TELO2: variants seen among roughly 807,000 people sequenced by gnomAD.
TELO2 encodes the protein telomere maintenance 2, also known as telomere length regulation protein TEL2 homolog.
A neutral mutation model predicts 91.0 loss-of-function variants in TELO2; 71 were observed. That is an observed-to-expected ratio of 0.78 (90% CI 0.64 to 0.95). The LOEUF (loss-of-function observed/expected upper bound fraction) is 0.95. Ranked by LOEUF, TELO2 falls within the 40% of genes least tolerant of loss-of-function variation. The pLI is 0.00. For synonymous variants in TELO2, 584 were observed against 518.9 expected (o/e 1.13, Z -1.71); for missense variants, 1,183 against 1,141.3 (o/e 1.04, Z -0.53).
intron 20 of TELO2, among the ~76,000 whole-genome samples, chr16:1,508,225 T>C (rs2141074133): frequency 6.6e-6 from 1 of 152,266 alleles, no homozygotes; most frequent in South Asian, 2.1e-4. Flanking sequence ...CTCCGCCTCC[T>C]GGGTTCAAGC....
rs568520420 is a variant in TELO2 at position 1,495,726 on chromosome 16, T to C, written c.613+103T>C. On this transcript the variant is annotated intron_variant, in intron 3 of 20. Coordinates refer to ENST00000262319, the MANE Select transcript of TELO2 (RefSeq NM_016111.4). ...CGGCCTCTGGAGACTTTGGAGTCTC[T>C]GGTTGATGCCGTCAGGCAGGTGGGG... 6 of 1,443,032 alleles carry C rather than the reference T, an allele frequency of 4.2e-6. No homozygotes were observed. In the East Asian group the frequency reaches 9.2e-5, roughly 22 times the overall value. 89.4% of individuals were successfully genotyped at this position (1,443,032 alleles called of 1,614,324 possible).
chr16:1,502,417 C>CG lies in TELO2; in HGVS notation c.1653+16dup, dbSNP rs1235869556. 1.5e-6 allele frequency: 2 copies of CG among 1,330,838 alleles called. No homozygotes were observed. 82.4% of individuals were successfully genotyped at this position (1,330,838 alleles called of 1,614,324 possible). On this transcript the variant is annotated intron_variant, in intron 13 of 20. Transcript: ENST00000262319. ...AGCCACTCGGGAGGTGAGTGGGGGG[C>CG]GGGAGTGGGTGGGGAGGCCCAAGAT...
chr16:1,502,383 G>A lies in TELO2; in HGVS notation c.1632G>A (p.Arg544=), dbSNP rs2141047775. 6.2e-7 allele frequency: 1 copy of A among 1,602,252 alleles called. No homozygotes were observed. The highest frequency in any genetic ancestry group is 8.5e-7 in the Non-Finnish European group (1 of 1,176,352). Residue 544 remains arginine, a synonymous_variant, in exon 13 of 21, where the codon AGG becomes AGA. Transcript: ENST00000262319. ...ALRALEGLVY[R]SPTATREVSV... is the part of the protein sequence containing the mutation. ...GGGCCCTTGAGGGCCTGGTCTACAGGAGCCCCACAGCCACTCGGGAGGTGA... is the reference window on the plus strand; with the variant it reads ...GGGCCCTTGAGGGCCTGGTCTACAGAAGCCCCACAGCCACTCGGGAGGTGA...
At chr16:1,499,017 C>T (rs926643540) in intron 5 of TELO2, among the ~76,000 whole-genome samples, 3 of 152,128 alleles carry the variant, frequency 2.0e-5, no homozygotes, top group African/African-American at 7.2e-5. Flanking sequence ...GCCCGGGCTG[C>T]GGTGCACGCG....
chr16:1,506,183 C>G, intron 16 of TELO2, 55 bp from the exon 17 acceptor site: 1 of 1,586,638 alleles, frequency 6.3e-7, no homozygotes, highest in Admixed American at 1.7e-5. Context: ...GCTAGGGGTG[C>G]CGTGCCCGCT....
Position 1,502,409 on chromosome 16 carries a change from G to T in TELO2, c.1653+5G>T, listed in dbSNP as rs757210721. 1 of 1,589,186 alleles carries T rather than the reference G, an allele frequency of 6.3e-7. No individual in the cohort carries two copies. The highest frequency in any genetic ancestry group is 1.1e-5 in the South Asian group (1 of 87,888). On this transcript the variant is annotated splice_donor_5th_base_variant and intron_variant, in intron 13 of 20. Transcript: ENST00000262319. ...AGCCCCACAGCCACTCGGGAGGTGA[G>T]TGGGGGGCGGGAGTGGGTGGGGAGG...
chr16:1,501,666 G>A lies in TELO2; in HGVS notation c.1365G>A (p.Thr455=), dbSNP rs758049957. ...PAGDGASEAG[T]SLVPATAEPP... ...TTTGTTCCTTGTTTCCTTAAAGCAC[G>A]TCCCTCGTTCCAGCCACGGCAGAGC... The change falls in exon 11 of 21, where the codon ACG becomes ACA. Residue 455 remains threonine (T), a synonymous_variant. Transcript: ENST00000262319. 14 of 1,606,882 alleles carry A rather than the reference G, an allele frequency of 8.7e-6. No individual in the cohort carries two copies. The highest frequency in any genetic ancestry group is 5.4e-5 in the African/African-American group (4 of 74,580).
chr16:1,500,575 G>A lies in TELO2; in HGVS notation c.1157G>A (p.Ser386Asn), dbSNP rs757461365. Residue 386 changes from serine (S) to asparagine (N), a missense_variant, in exon 9 of 21, where the codon AGC becomes AAC. Transcript: ENST00000262319. ...CCGGTGCTTGCAGAACTGCTGGCCA[G>A]CATGATGGCGGGCGTGAAGTGCCGC... ...LRDSRDELLA[S>N]MMAGVKCRLD... 2 of 1,611,858 alleles carry A rather than the reference G, an allele frequency of 1.2e-6. No homozygotes were observed. Among genetic ancestry groups the A allele is most frequent in the Admixed American group, 1.7e-5 (1 of 59,936 alleles).
At chr16:1,498,528 C>T (rs1360625727) in intron 5 of TELO2, among the ~76,000 whole-genome samples, 2 of 152,126 alleles carry the variant, frequency 1.3e-5, no homozygotes, top group Non-Finnish European at 2.9e-5. Context: ...GCCTCGACCT[C>T]CTGGGCTCCA....
intron 18 of TELO2, 27 bp from the exon 19 acceptor site, chr16:1,507,279 A>G (rs1456091051): frequency 6.2e-7 from 1 of 1,604,836 alleles, no homozygotes; most frequent in Non-Finnish European, 8.5e-7. Context: ...TCGGGACCCC[A>G]CTGACTGTCC....
chr16:1,500,442 C>T lies in TELO2; in HGVS notation c.1098C>T (p.Ile366=), dbSNP rs749667117. The part of the protein sequence containing the change: ...QQRHVSKAVL[I]CLAQLGEPEL... ...GCCACGTCAGCAAGGCTGTCCTCAT[C>T]TGCCTGGCGCAACTCGGGGAGCCGG... The change falls in exon 8 of 21, where the codon ATC becomes ATT. Residue 366 remains isoleucine (I), a synonymous_variant. Coordinates refer to ENST00000262319, the MANE Select transcript of TELO2 (RefSeq NM_016111.4). The T allele has an allele frequency of 7.4e-5, 119 of 1,609,668 alleles. No homozygotes were observed. Among genetic ancestry groups the T allele is most frequent in the Non-Finnish European group, 9.5e-5 (112 of 1,179,064 alleles).
Position 1,494,764 on chromosome 16 carries a change from G to A in TELO2, c.335+148G>A, listed in dbSNP as rs2039418058. ...GCTGAACCCCTGAACAGAAGAAGCG[G>A]TCTGTGTCTGTCTCCTTTGCGACGG... On this transcript the variant is annotated intron_variant, in intron 2 of 20. Transcript: ENST00000262319. This position sits in a 1 kb window ranked among gnomAD's most constrained non-coding sequence, Gnocchi z 5.6. 2.2e-6 allele frequency: 2 copies of A among 889,506 alleles called. No homozygotes were observed. The highest frequency in any genetic ancestry group is 2.7e-5 in the East Asian group (1 of 37,526). The allele number at this position is 889,506 out of a possible 1,614,324, so 55.1% of individuals were successfully genotyped here.
chr16:1,497,322 G>A lies in TELO2; in HGVS notation c.683-39G>A, dbSNP rs2039525948. The stretch of plus-strand genomic sequence containing the variant: ...ACACAGCCCCAGACACCAGGTGGGT[G>A]CAGCTCCCCAGGCTCAGGTCCTCCG... On this transcript the variant is annotated intron_variant, in intron 4 of 20. Coordinates refer to ENST00000262319, the MANE Select transcript of TELO2 (RefSeq NM_016111.4). The surrounding 1 kb of genome is among the most constrained non-coding windows in gnomAD (Gnocchi z 4.0). The A allele has an allele frequency of 3.3e-6, 5 of 1,516,152 alleles. No individual in the cohort carries two copies. The highest frequency in any genetic ancestry group is 1.4e-5 in the African/African-American group (1 of 72,622). The allele number at this position is 1,516,152 out of a possible 1,614,324, so 93.9% of individuals were successfully genotyped here. A position where few individuals can be genotyped will look rare whatever the true frequency, so the allele number is the denominator to read the frequency against.
chr16:1,506,046 G>A (rs1251218478), intron 16 of TELO2, among the ~76,000 whole-genome samples, 192 bp from the exon 17 acceptor site: 1 of 152,254 alleles, frequency 6.6e-6, no homozygotes, highest in Non-Finnish European at 1.5e-5. Flanking sequence ...TGCTGTCCAG[G>A]CATTGGCCGC....
intron 3 of TELO2, among the ~76,000 whole-genome samples, chr16:1,496,406 C>T (rs1042175588): frequency 6.6e-6 from 1 of 152,236 alleles, no homozygotes; most frequent in Admixed American, 6.5e-5. Context: ...CCTGTCTTTT[C>T]CGAACGTAGC....
At chr16:1,503,204 A>G (rs2141051977) in intron 15 of TELO2, among the ~76,000 whole-genome samples, 1 of 152,354 alleles carries the variant, frequency 6.6e-6, no homozygotes, top group East Asian at 1.9e-4. Context: ...TGTTTAAAAT[A>G]ACAGCTTTAC....
rs761631210 is a variant in TELO2, at chr16:1,494,585, G to C, written c.304G>C (p.Val102Leu). The change falls in exon 2 of 21, where the codon GTG (valine) becomes CTG (leucine). Residue 102 changes from valine to leucine, a missense_variant. Physicochemically the swap from Val to Leu is conservative, Grantham distance 32. Coordinates refer to ENST00000262319, the MANE Select transcript of TELO2 (RefSeq NM_016111.4). This position sits in a 1 kb window ranked among gnomAD's most constrained non-coding sequence, Gnocchi z 5.6. The part of the protein sequence containing the change: ...LEGPADQAFL[V>L]LMETIEGAAG... Reference sequence around the variant, plus strand: ...GGGCCCGGCGGACCAAGCCTTCCTGGTGTTGATGGAGACCATCGAGGGTGC... The same window carrying C: ...GGGCCCGGCGGACCAAGCCTTCCTGCTGTTGATGGAGACCATCGAGGGTGC... The C allele has an allele frequency of 6.2e-7, 1 of 1,613,480 alleles. No homozygotes were observed.
intron 18 of TELO2, 86 bp from the exon 19 acceptor site, chr16:1,507,220 C>G: frequency 6.4e-7 from 1 of 1,553,524 alleles, no homozygotes; most frequent in Middle Eastern, 2.3e-4. Context: ...GTCCCTGCTG[C>G]TGCCCAGCAG....
chr16:1,496,653 G>A (rs539137275), intron 3 of TELO2, among the ~76,000 whole-genome samples: 21 of 152,304 alleles, frequency 1.4e-4, no homozygotes, highest in East Asian at 9.7e-4. Flanking sequence ...CCCTGTGGGC[G>A]GCCGTGGTGG....
Sources: allele counts gnomAD v4.1 joint callset (sites outside exome capture counted in the v4.1 genomes callset), GRCh38; gene constraint gnomAD v4.1.1; non-coding constraint Gnocchi (gnomAD v3.1); transcripts MANE v1.5; gene names NCBI Gene and HGNC (gene_info 2026-07-23, HGNC 2026-07-21).